GFPT2: variants seen among roughly 807,000 people sequenced by gnomAD.
GFPT2 encodes glutamine--fructose-6-phosphate transaminase 2.
A neutral mutation model predicts 85.6 loss-of-function variants in GFPT2; 62 were observed. The observed-to-expected ratio is 0.72, with a 90% CI of 0.59 to 0.90. The LOEUF is 0.90. Ranked by LOEUF, GFPT2 falls within the 40% of genes least tolerant of loss-of-function variation. The pLI is 0.00. For synonymous variants in GFPT2, 368 were observed against 344.5 expected (o/e 1.07, Z -0.75); for missense variants, 788 against 893.4 (o/e 0.88, Z 1.50).
intron 2 of GFPT2, among the ~76,000 whole-genome samples, chr5:180,338,166 C>A (rs1764439633): frequency 6.6e-6 from 1 of 152,030 alleles, no homozygotes; most frequent in Non-Finnish European, 1.5e-5. Context: ...GTGCAAAATA[C>A]AGTGTTGCTC....
At chr5:180,331,053 C>G in intron 5 of GFPT2, 1 of 565,866 alleles carries the variant, frequency 1.8e-6, no homozygotes, top group Non-Finnish European at 3.1e-6. Context: ...CTCACCCTTG[C>G]CACTAATCTG....
rs896811933 is a variant in GFPT2, at chr5:180,301,159, G to A, written c.*405C>T. On this transcript the variant is annotated 3_prime_UTR_variant, in exon 19 of 19. Transcript: ENST00000253778. Reference sequence around the variant, plus strand: ...GGTAGCTAGGATGAACAGTTTGGCCGTTACCACGGCTACAGAAAGCCACAT... The same window carrying A: ...GGTAGCTAGGATGAACAGTTTGGCCATTACCACGGCTACAGAAAGCCACAT... 7 of 200,066 alleles carry A rather than the reference G, an allele frequency of 3.5e-5. No homozygotes were observed. Among genetic ancestry groups the A allele is most frequent in the Admixed American group, 1.1e-4 (2 of 18,830 alleles). 12.4% of individuals were successfully genotyped at this position (200,066 alleles called of 1,614,324 possible).
chr5:180,313,822 G>A lies in GFPT2; in HGVS notation c.1416C>T (p.Gly472=), dbSNP rs1763948215. The A allele has an allele frequency of 6.4e-7, 1 of 1,566,880 alleles. No homozygotes were observed. The highest frequency in any genetic ancestry group is 1.2e-5 in the South Asian group (1 of 86,464). Residue 472 remains glycine, a synonymous_variant, in exon 14 of 19, where the codon GGC becomes GGT. Coordinates refer to ENST00000253778, the MANE Select transcript of GFPT2 (RefSeq NM_005110.4). ...GVHINAGPEI[G]VASTKAYTSQ... is the part of the protein sequence containing the mutation. ...CTCCTCCTACCTTGGTGCTGGCCAC[G>A]CCGATCTCCGGCCCTGCGTTGATGT...
rs543353935 is a variant in GFPT2, at chr5:180,312,599, T to C, written c.1432-55A>G. 12 of 956,008 alleles carry C rather than the reference T, an allele frequency of 1.3e-5. No individual in the cohort carries two copies. In the South Asian group the frequency reaches 1.6e-4, roughly 12 times the overall value. 59.2% of individuals were successfully genotyped at this position (956,008 alleles called of 1,614,324 possible). ...CTTATTTTCACTTTTTAAATCAACT[T>C]TTATTTTTGAGACAGGGTCTACTCT... On this transcript the variant is annotated intron_variant, in intron 14 of 18. Coordinates refer to ENST00000253778, the MANE Select transcript of GFPT2 (RefSeq NM_005110.4).
intron 14 of GFPT2, among the ~76,000 whole-genome samples, chr5:180,312,879 C>T (rs1472821737): frequency 1.3e-5 from 2 of 152,096 alleles, no homozygotes; most frequent in Non-Finnish European, 2.9e-5. Context: ...CAGGTTCAAG[C>T]GATTCTCCTG....
chr5:180,352,918 C>T, intron 1 of GFPT2: 1 of 440,770 alleles, frequency 2.3e-6, no homozygotes, highest in Non-Finnish European at 4.0e-6. Context: ...CAGGCCGGAC[C>T]GGACCAGGTC....
chr5:180,334,874 C>G (rs748159782), intron 4 of GFPT2, among the ~76,000 whole-genome samples: 1 of 152,196 alleles, frequency 6.6e-6, no homozygotes, highest in Non-Finnish European at 1.5e-5. Context: ...TGCAGGGGAC[C>G]CGGCGCCCTG....
At chr5:180,349,284 G>C (rs1269551842) in intron 1 of GFPT2, among the ~76,000 whole-genome samples, 1 of 152,010 alleles carries the variant, frequency 6.6e-6, no homozygotes, top group East Asian at 1.9e-4. Context: ...CCCAGCCTGG[G>C]TAACAGAGTG....
At chr5:180,333,652 G>C (rs2127654751) in intron 4 of GFPT2, among the ~76,000 whole-genome samples, 1 of 152,312 alleles carries the variant, frequency 6.6e-6, no homozygotes, top group Middle Eastern at 3.4e-3. Flanking sequence ...GAATCTTTGT[G>C]TAATTTCCTT....
chr5:180,327,076 G>A (rs950370606), intron 7 of GFPT2, among the ~76,000 whole-genome samples: 2 of 152,158 alleles, frequency 1.3e-5, no homozygotes, highest in African/African-American at 4.8e-5. Context: ...ATAAATTCCT[G>A]TTGTTTCCTG....
rs1022495701 is a variant in GFPT2, at chr5:180,328,926, G to A, written c.535-588C>T. The stretch of plus-strand genomic sequence containing the variant: ...AAGAGAAGCACAGGTTGTCATGACC[G>A]TTACTGCTATTATCCTTTCCATGGA... On this transcript the variant is annotated intron_variant, in intron 6 of 18. Transcript: ENST00000253778. This position sits in a 1 kb window ranked among gnomAD's most constrained non-coding sequence, Gnocchi z 5.4. 1.3e-5 allele frequency among the ~76,000 whole-genome samples: 2 copies of A among 152,316 alleles called. No individual in the cohort carries two copies. The highest frequency in any genetic ancestry group is 1.9e-4 in the East Asian group (1 of 5,188).
rs1417530268 is a variant in GFPT2 at position 180,316,849 on chromosome 5, C to T, written c.1067G>A (p.Gly356Asp). Residue 356 changes from glycine to aspartate, a missense_variant, in exon 12 of 19, where the codon GGC becomes GAC. Gly to Asp is a moderately conservative substitution (Grantham distance 94). Transcript: ENST00000253778. ...AATCTCCTTCAAGTGGTCCTTCAAG[C>T]CACCCAGGAGCACTGCAGGGCACAC... is the stretch of plus-strand genomic sequence containing the variant. ...NFETNTVLLGGLKDHLKEIRR... is the reference protein window; with the variant it reads ...NFETNTVLLGDLKDHLKEIRR... 1 of 1,613,514 alleles carries T rather than the reference C, an allele frequency of 6.2e-7. No homozygotes were observed. Among genetic ancestry groups the T allele is most frequent in the South Asian group, 1.1e-5 (1 of 91,062 alleles).
At chr5:180,315,311 G>C (rs532149725) in intron 13 of GFPT2, among the ~76,000 whole-genome samples, 2 of 151,922 alleles carry the variant, frequency 1.3e-5, no homozygotes, top group East Asian at 3.9e-4. Context: ...CTGAGTAGCC[G>C]GGACTACAGG....
At chr5:180,303,025 C>T (rs534572085) in intron 17 of GFPT2, among the ~76,000 whole-genome samples, 17 of 150,744 alleles carry the variant, frequency 1.1e-4, no homozygotes, top group Admixed American at 3.3e-4. Context: ...GTCAGGAGAT[C>T]GAGACCATCC....
Position 180,349,750 on chromosome 5 carries a change from G to A in GFPT2, c.7+3461C>T, listed in dbSNP as rs138530121. On this transcript the variant is annotated intron_variant, in intron 1 of 18. Transcript: ENST00000253778. ...CATTTCTGTTGTTTTAAATCAGTAA[G>A]TTTGCAGTCATTTGTTACAGCAGCC... Among the ~76,000 whole-genome samples, 242 of 152,080 alleles carry A rather than the reference G, an allele frequency of 1.6e-3. 1 individual carries two copies. The highest frequency in any genetic ancestry group is 5.2e-3 in the African/African-American group (215 of 41,488).
chr5:180,352,536 C>G (rs1764732314), intron 1 of GFPT2: 1 of 444,576 alleles, frequency 2.2e-6, no homozygotes, highest in Admixed American at 2.4e-5. Context: ...GACGCCCGGC[C>G]CCGCTCCCCG....
At chr5:180,324,699 G>C (rs539765309) in intron 8 of GFPT2, 117 bp downstream of exon 8, 2 of 741,942 alleles carry the variant, frequency 2.7e-6, no homozygotes, top group East Asian at 2.5e-5. Flanking sequence ...TGCGCCTGTT[G>C]GGTCTGGCTC....
intron 8 of GFPT2, 58 bp from the exon 9 acceptor site, chr5:180,324,363 G>T: frequency 2.0e-6 from 2 of 1,005,920 alleles, no homozygotes; most frequent in Non-Finnish European, 1.5e-6. Flanking sequence ...TGCATAATAT[G>T]CAGCAAGGAA....
chr5:180,336,349 G>T (rs1000271017), intron 3 of GFPT2, 130 bp downstream of exon 3: 2 of 736,106 alleles, frequency 2.7e-6, no homozygotes, highest in Middle Eastern at 2.7e-4. Flanking sequence ...TACAGCACGG[G>T]CTTAGCCCTC....
Sources: gnomAD v4.1 joint callset for allele counts (sites outside exome capture counted in the v4.1 genomes callset) on GRCh38, gnomAD v4.1.1 for gene constraint, Gnocchi (gnomAD v3.1) non-coding constraint, MANE v1.5 for transcripts, NCBI Gene and HGNC (gene_info 2026-07-23, HGNC 2026-07-21) for gene names.